The following PDE4B variants were observed in gnomAD, a reference collection of about 807,000 sequenced individuals.
PDE4B encodes phosphodiesterase 4B, also known as 3',5'-cyclic-AMP phosphodiesterase 4B.
A neutral mutation model predicts 82.2 loss-of-function variants in PDE4B; 20 were observed. The ratio of observed to expected loss-of-function variants is 0.24; its 90% CI spans 0.17 to 0.35. The LOEUF is 0.35. PDE4B is among the 10% of genes least tolerant of loss of function. PDE4B has a pLI of 1.00. For missense variants in PDE4B, 655 were observed against 907.2 expected (o/e 0.72, Z 3.57); for synonymous variants, 320 against 318.9 (o/e 1.00, Z -0.04).
intron 7 of PDE4B, among the ~76,000 whole-genome samples, chr1:66,270,721 C>G (rs1655414548): frequency 6.6e-6 from 1 of 152,008 alleles, no homozygotes; most frequent in Admixed American, 6.6e-5. Context: ...TAAAATCAAT[C>G]TTGTGACCAA....
chr1:66,289,022 T>C (rs1385434066), intron 7 of PDE4B, among the ~76,000 whole-genome samples: 1 of 152,222 alleles, frequency 6.6e-6, no homozygotes, highest in Non-Finnish European at 1.5e-5. Context: ...GATTCTACTA[T>C]GTGCCAGACA....
chr1:66,139,543 C>T (rs1646126470), intron 3 of PDE4B, among the ~76,000 whole-genome samples: 1 of 152,108 alleles, frequency 6.6e-6, no homozygotes, highest in Non-Finnish European at 1.5e-5. Flanking sequence ...CCAATATCGT[C>T]TTCCTATCAT....
At position 65,908,170 on chromosome 1, in the gene PDE4B, A is replaced by G. The variant is rs375090132; in HGVS notation, c.-70-5075A>G. On this transcript the variant is annotated intron_variant, in intron 1 of 16. Transcript: ENST00000341517. ...CCCTTAGGCTCCAGTTAGGAAAACA[A>G]AAGGATTTAATACAAGCAATTTGTC... is the stretch of plus-strand genomic sequence containing the variant. Among the ~76,000 whole-genome samples the G allele has an allele frequency of 1.5e-3, 231 of 152,302 alleles. 2 individuals carry two copies. In the Middle Eastern group the frequency reaches 0.031, roughly 20 times the overall value.
chr1:65,821,412 C>T (rs1316992197), intron 1 of PDE4B, among the ~76,000 whole-genome samples: 1 of 152,136 alleles, frequency 6.6e-6, no homozygotes, highest in Non-Finnish European at 1.5e-5. Flanking sequence ...TTAACAAGTT[C>T]TTTGCACATT....
chr1:65,807,300 C>G (rs1645765005), intron 1 of PDE4B, among the ~76,000 whole-genome samples: 1 of 152,138 alleles, frequency 6.6e-6, no homozygotes, highest in African/African-American at 2.4e-5. Flanking sequence ...TCTATAACTG[C>G]ATGTATTCAC....
chr1:66,155,801 C>A (rs1039290060), intron 3 of PDE4B, among the ~76,000 whole-genome samples: 3 of 152,118 alleles, frequency 2.0e-5, no homozygotes, highest in Non-Finnish European at 4.4e-5. Flanking sequence ...CAAATGAGTT[C>A]TCTTTCCAAC....
intron 1 of PDE4B, among the ~76,000 whole-genome samples, chr1:65,848,235 T>C (rs978008734): frequency 1.3e-5 from 2 of 151,752 alleles, no homozygotes; most frequent in Non-Finnish European, 2.9e-5. Flanking sequence ...ACCTTCTGGG[T>C]TCAAGCAGTT....
At chr1:66,100,554 T>A (rs1199500367) in intron 3 of PDE4B, among the ~76,000 whole-genome samples, 1 of 152,160 alleles carries the variant, frequency 6.6e-6, no homozygotes, top group Non-Finnish European at 1.5e-5. Flanking sequence ...CATAGATATG[T>A]TTAAGTTTAG....
intron 3 of PDE4B, among the ~76,000 whole-genome samples, chr1:65,994,581 C>A (rs1023353812): frequency 1.3e-5 from 2 of 152,032 alleles, no homozygotes; most frequent in East Asian, 3.8e-4. Context: ...CTTTATCCCA[C>A]CCCTAACATG....
intron 3 of PDE4B, among the ~76,000 whole-genome samples, chr1:65,942,820 T>C (rs1648516469): frequency 6.6e-6 from 1 of 152,052 alleles, no homozygotes; most frequent in Admixed American, 6.6e-5. Flanking sequence ...CATTTGTGTT[T>C]CTTCTTTTGA....
At chr1:66,023,527 A>G (rs995692364) in intron 3 of PDE4B, among the ~76,000 whole-genome samples, 1 of 152,184 alleles carries the variant, frequency 6.6e-6, no homozygotes, top group Admixed American at 6.6e-5. Flanking sequence ...TCTGAGGGCT[A>G]TGGAACAAGT....
intron 3 of PDE4B, among the ~76,000 whole-genome samples, chr1:66,037,898 TC>T (rs1313840086): frequency 1.3e-5 from 2 of 152,208 alleles, no homozygotes; most frequent in Non-Finnish European, 2.9e-5. Context: ...TAAAGCTTCC[TC>T]TATTATCTTT....
chr1:66,214,528 A>G (rs1214067085), intron 3 of PDE4B, among the ~76,000 whole-genome samples: 1 of 152,164 alleles, frequency 6.6e-6, no homozygotes, highest in African/African-American at 2.4e-5. Flanking sequence ...TTATATTTTA[A>G]TATCTCAGAA....
At chr1:66,013,173 C>T (rs1250009219) in intron 3 of PDE4B, among the ~76,000 whole-genome samples, 1 of 152,036 alleles carries the variant, frequency 6.6e-6, no homozygotes, top group East Asian at 1.9e-4. Context: ...TCCCCAACAC[C>T]ATTCTTGATT....
At chr1:66,196,588 C>CAA (rs1175442551) in intron 3 of PDE4B, among the ~76,000 whole-genome samples, 2 of 152,112 alleles carry the variant, frequency 1.3e-5, no homozygotes, top group African/African-American at 4.8e-5. Context: ...CATGCTATCT[C>CAA]ATTTAGTGAG....
chr1:66,236,598 G>T (rs1652475304), intron 3 of PDE4B, among the ~76,000 whole-genome samples: 2 of 151,940 alleles, frequency 1.3e-5, no homozygotes, highest in Admixed American at 6.6e-5. Flanking sequence ...GTTATTTTTT[G>T]TTTGTGGGTT....
intron 3 of PDE4B, among the ~76,000 whole-genome samples, chr1:66,108,663 G>A (rs1389741731): frequency 7.3e-6 from 1 of 136,966 alleles, no homozygotes; most frequent in South Asian, 2.5e-4. Flanking sequence ...TGGCCAACAG[G>A]TTCATGAAAA....
chr1:66,106,679 GT>G (rs1434537705), intron 3 of PDE4B, among the ~76,000 whole-genome samples: 3 of 152,090 alleles, frequency 2.0e-5, no homozygotes, highest in Admixed American at 2.0e-4. Context: ...GGGCGTATGT[GT>G]TGAGAAATTT....
At chr1:66,217,920 AT>A (rs1354548334) in intron 3 of PDE4B, among the ~76,000 whole-genome samples, 1 of 152,150 alleles carries the variant, frequency 6.6e-6, no homozygotes, top group African/African-American at 2.4e-5. Flanking sequence ...GCTGGTGAGA[AT>A]TTTGATAGGC....
Sources: allele counts gnomAD v4.1 joint callset (sites outside exome capture counted in the v4.1 genomes callset), GRCh38; gene constraint gnomAD v4.1.1; transcripts MANE v1.5; gene names NCBI Gene and HGNC (gene_info 2026-07-23, HGNC 2026-07-21).